The following PEG3 variants were observed in gnomAD, a reference collection of about 807,000 sequenced individuals.
The protein encoded by PEG3 is paternally-expressed gene 3 protein.
A neutral mutation model predicts 35.5 loss-of-function variants in PEG3; 23 were observed. The observed-to-expected ratio is 0.65, with a 90% CI of 0.47 to 0.92. The LOEUF is 0.92. PEG3 is among the 40% of genes least tolerant of loss of function. PEG3 has a pLI of 0.00. For missense variants in PEG3, 1,960 were observed against 1,985.3 expected, an observed-to-expected ratio of 0.99 and a Z score of 0.24; for synonymous variants, 707 against 697.0, an observed-to-expected ratio of 1.01 and a Z score of -0.23.
chr19:56,823,806 C>T (rs1279043945), intron 4 of PEG3, 127 bp from the exon 5 acceptor site: 4 of 1,170,316 alleles, frequency 3.4e-6, no homozygotes, highest in Non-Finnish European at 5.0e-6. Context: ...CCTGACATTT[C>T]TGAGTTCAAA....
At position 56,815,905 on chromosome 19, in the gene PEG3, C is replaced by T. The variant is rs1306351296; in HGVS notation, c.2537G>A (p.Ser846Asn). The part of the protein sequence containing the change: ...HSLVASKPPR[S>N]HNGNELVESN... Reference sequence around the variant, plus strand: ...TTCCACCAATTCATTTCCATTGTGACTTCTTGGAGGTTTGGAAGCCACTAA... The same window carrying T: ...TTCCACCAATTCATTTCCATTGTGATTTCTTGGAGGTTTGGAAGCCACTAA... Residue 846 changes from serine to asparagine, a missense_variant, in exon 10 of 10, where the codon AGT becomes AAT. Ser to Asn is a conservative substitution (Grantham distance 46). Coordinates refer to ENST00000326441, the MANE Select transcript of PEG3 (RefSeq NM_006210.3). 1 of 1,612,222 alleles carries T rather than the reference C, an allele frequency of 6.2e-7. No individual in the cohort carries two copies. The highest frequency in any genetic ancestry group is 8.5e-7 in the Non-Finnish European group (1 of 1,179,084).
intron 2 of PEG3, among the ~76,000 whole-genome samples, chr19:56,830,235 T>C (rs1470443241): frequency 2.0e-5 from 3 of 152,190 alleles, no homozygotes; most frequent in Non-Finnish European, 4.4e-5. Context: ...GCAAAAACAT[T>C]TAATAAACCC....
At chr19:56,840,432 A>T (rs2062878742) in intron 1 of PEG3, 150 bp downstream of exon 1, 1 of 152,266 alleles carries the variant, frequency 6.6e-6, no homozygotes, top group Non-Finnish European at 1.5e-5. Context: ...GCGGCCAAGT[A>T]CCATGTCCGC....
At chr19:56,829,250 A>G (rs1484098645) in intron 2 of PEG3, among the ~76,000 whole-genome samples, 2 of 151,660 alleles carry the variant, frequency 1.3e-5, no homozygotes, top group Non-Finnish European at 2.9e-5. Context: ...AGGCTGAGGC[A>G]GGAGAATCAC....
chr19:56,836,655 G>A (rs866791586), intron 1 of PEG3, among the ~76,000 whole-genome samples: 1 of 152,138 alleles, frequency 6.6e-6, no homozygotes, highest in Non-Finnish European at 1.5e-5. Flanking sequence ...ATATTTTGGT[G>A]AGGTTAAAGA....
At chr19:56,834,732 C>G (rs2146606380) in intron 2 of PEG3, among the ~76,000 whole-genome samples, 1 of 152,222 alleles carries the variant, frequency 6.6e-6, no homozygotes, top group East Asian at 1.9e-4. Context: ...ACCAACCCAT[C>G]CCAAGGGCTC....
In PEG3 at chr19:56,823,304, C is replaced by T. The variant is rs370600147; in HGVS notation, c.481+289G>A. ...CACTGAAGCATCTTTAATGAACCTT[C>T]CTGAGGAGGCTGGGGGTACAGCTGG... On this transcript the variant is annotated intron_variant, in intron 5 of 9. Coordinates refer to ENST00000326441, the MANE Select transcript of PEG3 (RefSeq NM_006210.3). Among the ~76,000 whole-genome samples the T allele has an allele frequency of 9.8e-5, 15 of 152,356 alleles. No individual in the cohort carries two copies. The East Asian group carries it at 2.9e-3, about 29-fold the overall frequency.
chr19:56,840,666 C>T lies in PEG3; in HGVS notation c.-334G>A, dbSNP rs180989789. On this transcript the variant is annotated 5_prime_UTR_variant, in exon 1 of 10. Transcript: ENST00000326441. ...CCCGGCGCCCGGCGGCGCCACCAGC[C>T]CAGGGTGGACATCTCCCGCGCCTCC... is the stretch of plus-strand genomic sequence containing the variant. 2 of 153,302 alleles carry T rather than the reference C, an allele frequency of 1.3e-5. No individual in the cohort carries two copies. The highest frequency in any genetic ancestry group is 1.3e-4 in the Admixed American group (2 of 15,324). The allele number at this position is 153,302 out of a possible 1,614,324, so 9.5% of individuals were successfully genotyped here. A position where few individuals can be genotyped will look rare whatever the true frequency, so the allele number is the denominator to read the frequency against.
chr19:56,834,562 G>A (rs1176060965), intron 2 of PEG3, among the ~76,000 whole-genome samples: 1 of 152,172 alleles, frequency 6.6e-6, no homozygotes, highest in Non-Finnish European at 1.5e-5. Flanking sequence ...TGTGGGAACA[G>A]GAACATCCTA....
In PEG3 at chr19:56,815,454, G is replaced by A. The variant is rs766611155; in HGVS notation, c.2988C>T (p.Pro996=). ...EHQKIHDREK[P]SGSRNYEWSV... is the part of the protein sequence containing the mutation. ...ACCATTCATAGTTTCTGCTTCCAGA[G>A]GGCTTCTCCCTATCATGAATCTTCT... Residue 996 remains proline, a synonymous_variant, in exon 10 of 10, where the codon CCC becomes CCT. Transcript: ENST00000326441. The A allele has an allele frequency of 3.1e-6, 5 of 1,614,094 alleles. No individual in the cohort carries two copies. Among genetic ancestry groups the A allele is most frequent in the Non-Finnish European group, 4.2e-6 (5 of 1,179,968 alleles).
rs565306797 is a variant in PEG3, at chr19:56,824,439, C to T, written c.217G>A (p.Asp73Asn). 53 of 1,613,954 alleles carry T rather than the reference C, an allele frequency of 3.3e-5. No homozygotes were observed. Among genetic ancestry groups the T allele is most frequent in the Non-Finnish European group, 4.2e-5 (49 of 1,180,028 alleles). ...GTGCGGGTCTCCGGCTGCAACCAAT[C>T]GAGGCAGAGGTTTCGGAGTTTGATC... ...TLIKLRNLCL[D>N]WLQPETRTKE... The change falls in exon 4 of 10, where the codon GAT (aspartate) becomes AAT (asparagine). Residue 73 changes from aspartate to asparagine, a missense_variant. Asp to Asn is a conservative substitution (Grantham distance 23). This residue lies in a region of PEG3 where 613 missense variants were observed against 577.1 expected (regional missense o/e 1.06). Transcript: ENST00000326441.
intron 3 of PEG3, among the ~76,000 whole-genome samples, chr19:56,825,962 A>G (rs1471497086): frequency 6.6e-6 from 1 of 152,156 alleles, no homozygotes; most frequent in East Asian, 1.9e-4. Flanking sequence ...CTCCCTATGC[A>G]AACTGCCCTC....
chr19:56,824,121 C>T, intron 4 of PEG3, 141 bp downstream of exon 4: 1 of 1,377,340 alleles, frequency 7.3e-7, no homozygotes, highest in Non-Finnish European at 9.7e-7. Flanking sequence ...AGCTCAATAT[C>T]CCACAGTACA....
Position 56,815,870 on chromosome 19 carries a change from T to C in PEG3, c.2572A>G (p.Lys858Glu). Residue 858 changes from lysine (K) to glutamate (E), a missense_variant, in exon 10 of 10, where the codon AAG (lysine) becomes GAG (glutamate). This residue lies in a region of PEG3 where 798 missense variants were observed against 782.4 expected (regional missense o/e 1.02). Transcript: ENST00000326441. ...GAGATATAAATGGAGGATTCTCCCT[T>C]CTCATTAGATTCCACCAATTCATTT... Reference protein sequence around the residue: ...NGNELVESNEKGESSIYISDL... With the variant: ...NGNELVESNEEGESSIYISDL... The C allele has an allele frequency of 6.2e-7, 1 of 1,613,482 alleles. No homozygotes were observed. The highest frequency in any genetic ancestry group is 8.5e-7 in the Non-Finnish European group (1 of 1,179,586).
chr19:56,814,519 G>C lies in PEG3; in HGVS notation c.3923C>G (p.Pro1308Arg). 6.2e-7 allele frequency: 1 copy of C among 1,613,974 alleles called. No individual in the cohort carries two copies. Among genetic ancestry groups the C allele is most frequent in the Non-Finnish European group, 8.5e-7 (1 of 1,179,908 alleles). Reference sequence around the variant, plus strand: ...AGTATAGGAGGACCCGTACTCATAGGGCTCATTCTTATGAACAGTTACGTG... The same window carrying C: ...AGTATAGGAGGACCCGTACTCATAGCGCTCATTCTTATGAACAGTTACGTG... ...ADHVTVHKNE[P>R]YEYGSSYTHT... The change falls in exon 10 of 10, where the codon CCC (proline) becomes CGC (arginine). Residue 1308 changes from proline to arginine, a missense_variant. This residue lies in a region of PEG3 where 416 missense variants were observed against 416.7 expected (regional missense o/e 1.00). Coordinates refer to ENST00000326441, the MANE Select transcript of PEG3 (RefSeq NM_006210.3). This position sits in a 1 kb window ranked among gnomAD's most constrained non-coding sequence, Gnocchi z 5.8.
chr19:56,826,580 C>G (rs891336744), intron 2 of PEG3, 117 bp from the exon 3 acceptor site: 2 of 152,186 alleles, frequency 1.3e-5, no homozygotes, highest in African/African-American at 4.8e-5. Context: ...TGGGGTGATG[C>G]CTTCTATACC....
chr19:56,815,420 G>T lies in PEG3; in HGVS notation c.3022C>A (p.Arg1008Ser), dbSNP rs116297129. 7.4e-6 allele frequency: 12 copies of T among 1,614,076 alleles called. No individual in the cohort carries two copies. Among genetic ancestry groups the T allele is most frequent in the Non-Finnish European group, 1.0e-5 (12 of 1,179,934 alleles). Residue 1008 changes from arginine to serine, a missense_variant, in exon 10 of 10, where the codon CGC becomes AGC. Coordinates refer to ENST00000326441, the MANE Select transcript of PEG3 (RefSeq NM_006210.3). ...TGAGGGTCAGTAGGGGCCAAGCTGCGAATGACAGACCATTCATAGTTTCTG... is the reference window on the plus strand; with the variant it reads ...TGAGGGTCAGTAGGGGCCAAGCTGCTAATGACAGACCATTCATAGTTTCTG... ...GSRNYEWSVI[R>S]SLAPTDPQTS... is the part of the protein sequence containing the mutation.
At chr19:56,821,354 C>T (rs1040779295) in intron 7 of PEG3, among the ~76,000 whole-genome samples, 3 of 152,182 alleles carry the variant, frequency 2.0e-5, no homozygotes, top group African/African-American at 7.2e-5. Flanking sequence ...GAAACATCTC[C>T]AGAGTCACTC....
Position 56,810,190 on chromosome 19 carries a change from C to G in PEG3, c.*3485G>C, listed in dbSNP as rs891969299. The stretch of plus-strand genomic sequence containing the variant: ...CAGAAACAAGATGAAGAAAATATAT[C>G]AAGATGTTAACCACACTCTTTGGAT... On this transcript the variant is annotated 3_prime_UTR_variant, in exon 10 of 10. Transcript: ENST00000326441. 6.1e-6 allele frequency: 6 copies of G among 980,556 alleles called. No individual in the cohort carries two copies. In the African/African-American group the frequency reaches 1.1e-4, roughly 17 times the overall value. The allele number at this position is 980,556 out of a possible 1,614,324, so 60.7% of individuals were successfully genotyped here.
Sources: allele counts gnomAD v4.1 joint callset (sites outside exome capture counted in the v4.1 genomes callset), GRCh38; gene constraint gnomAD v4.1.1; regional missense constraint gnomAD v4.1.1; non-coding constraint Gnocchi (gnomAD v3.1); transcripts MANE v1.5; gene names NCBI Gene and HGNC (gene_info 2026-07-23, HGNC 2026-07-21).